Variants in MTHFD1L observed in about 807,000 individuals in gnomAD.
The protein encoded by MTHFD1L is methylenetetrahydrofolate dehydrogenase (NADP+ dependent) 1 like, also known as monofunctional C1-tetrahydrofolate synthase, mitochondrial.
Under a neutral mutation model 119.5 loss-of-function variants are expected in MTHFD1L, and 81 were observed. That is an observed-to-expected ratio of 0.68 (90% CI 0.57 to 0.82). The LOEUF (loss-of-function observed/expected upper bound fraction) is 0.82. MTHFD1L is among the 40% of genes least tolerant of loss of function. The pLI is 0.00. For missense variants in MTHFD1L, 1,125 were observed against 1,253.4 expected (o/e 0.90, Z 1.55); for synonymous variants, 430 against 475.2 (o/e 0.90, Z 1.24).
chr6:150,873,597 T>C lies in MTHFD1L; in HGVS notation c.228-2493T>C, dbSNP rs113847119. The stretch of plus-strand genomic sequence containing the variant: ...CGTATTTCCACTTAGTGTCTCAGAA[T>C]TACCTGGACTCTGTTAAAAATGCAC... On this transcript the variant is annotated intron_variant, in intron 1 of 27. Coordinates refer to ENST00000367321, the MANE Select transcript of MTHFD1L (RefSeq NM_015440.5). Among the ~76,000 whole-genome samples the C allele has an allele frequency of 4.4e-3, 671 of 152,266 alleles. 4 individuals carry two copies. The highest frequency in any genetic ancestry group is 0.015 in the African/African-American group (638 of 41,558).
At chr6:150,932,944 C>T (rs11155758) in intron 11 of MTHFD1L, among the ~76,000 whole-genome samples, 47,026 of 151,328 alleles carry the variant, frequency 0.31, 8,759 homozygotes, top group African/African-American at 0.52. Flanking sequence ...CTCATTCTTT[C>T]GTATATCCCC....
At chr6:150,987,926 C>T (rs192866726) in intron 20 of MTHFD1L, among the ~76,000 whole-genome samples, 96 of 152,242 alleles carry the variant, frequency 6.3e-4, no homozygotes, top group African/African-American at 2.2e-3. Flanking sequence ...AAAGGTAAAA[C>T]GTTTTGGAAG....
chr6:151,101,016 G>A (rs560183397), intron 27 of MTHFD1L, among the ~76,000 whole-genome samples: 7 of 152,072 alleles, frequency 4.6e-5, no homozygotes, highest in Admixed American at 2.6e-4. Flanking sequence ...AAAATTAGCC[G>A]GGCATGGTGG....
chr6:151,003,463 C>T (rs191116458), intron 20 of MTHFD1L, among the ~76,000 whole-genome samples: 11 of 151,864 alleles, frequency 7.2e-5, no homozygotes, highest in South Asian at 2.1e-4. Flanking sequence ...ACCTGGAGGG[C>T]GGAGGTTGCA....
At chr6:150,903,203 ATTTTTTTTTTTTT>A (rs774695918) in intron 7 of MTHFD1L, among the ~76,000 whole-genome samples, 5 of 85,474 alleles carry the variant, frequency 5.8e-5, no homozygotes, top group East Asian at 3.5e-4. Flanking sequence ...TGGCTGCAAA[ATTTTTTTTTTTTT>A]TTTTTTTTTT....
chr6:151,049,211 G>T (rs1788592747), intron 26 of MTHFD1L, among the ~76,000 whole-genome samples: 1 of 152,186 alleles, frequency 6.6e-6, no homozygotes, highest in Non-Finnish European at 1.5e-5. Flanking sequence ...CAAAGATTAG[G>T]CCGGGCACAG....
chr6:150,986,501 G>A (rs1778316030), intron 20 of MTHFD1L, among the ~76,000 whole-genome samples: 2 of 152,162 alleles, frequency 1.3e-5, no homozygotes, highest in Non-Finnish European at 2.9e-5. Context: ...GGATTAAACG[G>A]TTCCACCTCA....
intron 18 of MTHFD1L, among the ~76,000 whole-genome samples, chr6:150,961,418 A>G (rs1257412036): frequency 6.6e-6 from 1 of 152,066 alleles, no homozygotes; most frequent in African/African-American, 2.4e-5. Flanking sequence ...TAAACTCCAC[A>G]TATTCCATAG....
In MTHFD1L at chr6:150,876,182, G is replaced by C. The variant is rs777974785; in HGVS notation, c.312+8G>C. On this transcript the variant is annotated splice_region_variant and intron_variant, in intron 2 of 27. Coordinates refer to ENST00000367321, the MANE Select transcript of MTHFD1L (RefSeq NM_015440.5). Reference sequence around the variant, plus strand: ...GTTCTTGCAATTATCCAGGTAAGCCGAGAACAAGGTTCAGTCCTACTATTT... The same window carrying C: ...GTTCTTGCAATTATCCAGGTAAGCCCAGAACAAGGTTCAGTCCTACTATTT... 4 of 1,572,076 alleles carry C rather than the reference G, an allele frequency of 2.5e-6. No individual in the cohort carries two copies. Among genetic ancestry groups the C allele is most frequent in the Admixed American group, 1.9e-5 (1 of 53,352 alleles).
intron 18 of MTHFD1L, among the ~76,000 whole-genome samples, 162 bp downstream of exon 18, chr6:150,960,577 T>C (rs1171978779): frequency 2.6e-5 from 4 of 152,196 alleles, no homozygotes; most frequent in African/African-American, 9.7e-5. Context: ...GCCTAACTGC[T>C]TCCTAATGTT....
At chr6:150,877,315 G>A (rs1174580398) in intron 2 of MTHFD1L, among the ~76,000 whole-genome samples, 5 of 152,202 alleles carry the variant, frequency 3.3e-5, no homozygotes, top group South Asian at 2.1e-4. Context: ...GCCTTCTGCA[G>A]TGCTGGGATT....
rs371152425 is a variant in MTHFD1L at position 150,972,072 on chromosome 6, T to G, written c.2125+14T>G. 7.6e-5 allele frequency: 122 copies of G among 1,602,768 alleles called. No homozygotes were observed. The highest frequency in any genetic ancestry group is 1.0e-4 in the Non-Finnish European group (117 of 1,169,956). ...AAGGATTTGTAGGTAAGTTATTTCTTTTAAATTTAGTTGTTGTAGAATATT... is the reference window on the plus strand; with the variant it reads ...AAGGATTTGTAGGTAAGTTATTTCTGTTAAATTTAGTTGTTGTAGAATATT... On this transcript the variant is annotated intron_variant, in intron 20 of 27. Coordinates refer to ENST00000367321, the MANE Select transcript of MTHFD1L (RefSeq NM_015440.5).
At chr6:150,955,901 C>A in intron 16 of MTHFD1L, 94 bp from the exon 17 acceptor site, 1 of 1,066,662 alleles carries the variant, frequency 9.4e-7, no homozygotes, top group Non-Finnish European at 1.4e-6. Context: ...CTCTTTCACC[C>A]TCTGCAACTT....
At chr6:151,040,094 G>A (rs560527398) in intron 26 of MTHFD1L, among the ~76,000 whole-genome samples, 1 of 152,256 alleles carries the variant, frequency 6.6e-6, no homozygotes, top group Non-Finnish European at 1.5e-5. Flanking sequence ...GGGAGGTGAG[G>A]GGTGACGGAG....
rs745992866 is a variant in MTHFD1L, at chr6:151,092,606, A to G, written c.*31+19A>G. On this transcript the variant is annotated intron_variant, in intron 27 of 27. Transcript: ENST00000367321. The stretch of plus-strand genomic sequence containing the variant: ...GATGCAGGTAGGCTGATGTGCTTCA[A>G]CTTTTTCTCTCTTTGTTTTTTTCCA... 7.5e-6 allele frequency: 11 copies of G among 1,469,958 alleles called. No homozygotes were observed. The highest frequency in any genetic ancestry group is 1.0e-5 in the Non-Finnish European group (11 of 1,068,726). 91.1% of individuals were successfully genotyped at this position (1,469,958 alleles called of 1,614,324 possible).
intron 20 of MTHFD1L, among the ~76,000 whole-genome samples, chr6:150,998,381 A>G (rs936423761): frequency 2.0e-4 from 31 of 152,156 alleles, no homozygotes; most frequent in Admixed American, 6.6e-5. Context: ...TTTGTTTTTG[A>G]ATTCAATAAT....
chr6:150,922,101 T>C (rs2128896091), intron 9 of MTHFD1L, 104 bp from the exon 10 acceptor site: 1 of 818,462 alleles, frequency 1.2e-6, no homozygotes. Flanking sequence ...TGCGACTCGA[T>C]AATCTTGTTT....
intron 7 of MTHFD1L, among the ~76,000 whole-genome samples, chr6:150,896,966 A>T (rs1390163062): frequency 6.6e-6 from 1 of 151,914 alleles, no homozygotes; most frequent in Non-Finnish European, 1.5e-5. Context: ...ACAAAAACAA[A>T]ATTAGCAGGG....
intron 20 of MTHFD1L, among the ~76,000 whole-genome samples, chr6:151,009,194 A>T (rs1040979369): frequency 2.0e-4 from 30 of 151,734 alleles, no homozygotes; most frequent in Admixed American, 2.0e-3. Context: ...CTTTTGAAAC[A>T]ATTTGGAACC....
Sources: allele counts gnomAD v4.1 joint callset (sites outside exome capture counted in the v4.1 genomes callset), GRCh38; gene constraint gnomAD v4.1.1; transcripts MANE v1.5; gene names NCBI Gene and HGNC (gene_info 2026-07-23, HGNC 2026-07-21).